The following RBFOX3 variants were observed in gnomAD, a reference collection of about 807,000 sequenced individuals.
The protein encoded by RBFOX3 is RNA binding fox-1 homolog 3, also known as RNA binding protein fox-1 homolog 3.
In RBFOX3, 17 loss-of-function variants were observed where a neutral mutation model predicts 48.7. That is an observed-to-expected ratio of 0.35 (90% CI 0.24 to 0.52). The LOEUF is 0.52. Among genes scored for constraint, RBFOX3 ranks in the 20% least tolerant of loss-of-function variants. The pLI is 0.94. For missense variants in RBFOX3, 382 were observed against 497.5 expected, an observed-to-expected ratio of 0.77 and a Z score of 2.21; for synonymous variants, 212 against 209.5, an observed-to-expected ratio of 1.01 and a Z score of -0.10.
At chr17:79,094,915 G>A (rs1056175624) in intron 13 of RBFOX3, among the ~76,000 whole-genome samples, 1 of 152,076 alleles carries the variant, frequency 6.6e-6, no homozygotes, top group Middle Eastern at 3.2e-3. Context: ...AAGAGAGAGG[G>A]TCAACGAGGA....
rs1187815451 is a variant in RBFOX3 at position 79,254,417 on chromosome 17, C to T, written c.-73-18612G>A. ...CAAACCTGCCCCCCAATCCAGGACA[C>T]ATGGCACCAGGGCCCAGCCTTGAGA... On this transcript the variant is annotated intron_variant, in intron 3 of 14. Coordinates refer to ENST00000693108, the MANE Select transcript of RBFOX3 (RefSeq NM_001350451.2). This position sits in a 1 kb window ranked among gnomAD's most constrained non-coding sequence, Gnocchi z 4.8. 2.0e-5 allele frequency among the ~76,000 whole-genome samples: 3 copies of T among 152,004 alleles called. No individual in the cohort carries two copies. Among genetic ancestry groups the T allele is most frequent in the African/African-American group, 7.2e-5 (3 of 41,396 alleles).
chr17:79,437,417 G>T (rs914507801), intron 2 of RBFOX3, among the ~76,000 whole-genome samples: 7 of 152,232 alleles, frequency 4.6e-5, no homozygotes, highest in African/African-American at 1.7e-4. Context: ...GTGCGGGAAA[G>T]CCCATAGCAC....
chr17:79,514,941 G>T (rs1439730866), intron 1 of RBFOX3, among the ~76,000 whole-genome samples: 3 of 152,122 alleles, frequency 2.0e-5, no homozygotes, highest in African/African-American at 7.2e-5. Flanking sequence ...AGGAGGCTGG[G>T]GCTCGGCGCT....
intron 5 of RBFOX3, among the ~76,000 whole-genome samples, chr17:79,110,330 T>A (rs1285011955): frequency 1.3e-5 from 2 of 151,884 alleles, no homozygotes; most frequent in African/African-American, 4.8e-5. Flanking sequence ...ACACAGCACC[T>A]CCCACTCTCC....
chr17:79,478,369 C>T (rs1315751292), intron 2 of RBFOX3, among the ~76,000 whole-genome samples: 1 of 152,192 alleles, frequency 6.6e-6, no homozygotes, highest in Non-Finnish European at 1.5e-5. Context: ...CAGGCTCACA[C>T]TCAGCCCCAT....
intron 4 of RBFOX3, among the ~76,000 whole-genome samples, chr17:79,128,945 T>C (rs1264257868): frequency 6.6e-6 from 1 of 152,098 alleles, no homozygotes; most frequent in African/African-American, 2.4e-5. Context: ...ATGATCACAG[T>C]GAAGAAACCT....
rs71161654 is a variant in RBFOX3 at position 79,234,721 on chromosome 17, C to CTTTTTT, written c.-34+1039_-34+1044dup. ...TTGGGTTTATTGGGGGCATTAAGTG[C>CTTTTTT]TTTTTTTTTTTTTTTTTTTTTTTTT... On this transcript the variant is annotated intron_variant, in intron 4 of 14. Transcript: ENST00000693108. The CTTTTTT allele has an allele frequency of 2.0e-3, 125 of 61,826 alleles. 32 individuals carry two copies. The highest frequency in any genetic ancestry group is 8.9e-3 in the African/African-American group (112 of 12,588). The allele number at this position is 61,826 out of a possible 1,614,324, so 3.8% of individuals were successfully genotyped here.
intron 1 of RBFOX3, among the ~76,000 whole-genome samples, chr17:79,603,374 CA>C (rs2093753560): frequency 1.3e-5 from 2 of 152,160 alleles, no homozygotes; most frequent in Admixed American, 1.3e-4. Context: ...ACAGCACAGG[CA>C]GGAGCCCTGT....
chr17:79,555,667 G>GTGA (rs1317646347), intron 1 of RBFOX3, among the ~76,000 whole-genome samples: 1 of 151,138 alleles, frequency 6.6e-6, no homozygotes, highest in African/African-American at 2.5e-5. Context: ...GGTGGTGATG[G>GTGA]TGATGATAGT....
chr17:79,232,294 T>A (rs1600137855), intron 4 of RBFOX3, among the ~76,000 whole-genome samples: 1 of 152,014 alleles, frequency 6.6e-6, no homozygotes, highest in Non-Finnish European at 1.5e-5. Flanking sequence ...AAAATTCATA[T>A]AGAAATGTAA....
At chr17:79,169,787 C>T (rs2048767975) in intron 4 of RBFOX3, among the ~76,000 whole-genome samples, 2 of 152,162 alleles carry the variant, frequency 1.3e-5, no homozygotes, top group South Asian at 4.1e-4. Context: ...TATTCAGGAA[C>T]TAGAAGTGGC....
At chr17:79,273,103 G>T (rs951312872) in intron 3 of RBFOX3, among the ~76,000 whole-genome samples, 2 of 152,176 alleles carry the variant, frequency 1.3e-5, no homozygotes, top group East Asian at 3.9e-4. Context: ...GGTGACCTGT[G>T]ACTACCAGGA....
At chr17:79,610,725 G>C (rs1599290626) in intron 1 of RBFOX3, among the ~76,000 whole-genome samples, 101 bp downstream of exon 1, 1 of 152,052 alleles carries the variant, frequency 6.6e-6, no homozygotes, top group African/African-American at 2.4e-5. Context: ...CCCACTGCGG[G>C]GTCCCATGCG....
chr17:79,398,554 G>A (rs879718990), intron 2 of RBFOX3, among the ~76,000 whole-genome samples: 3 of 152,086 alleles, frequency 2.0e-5, no homozygotes, highest in Non-Finnish European at 4.4e-5. Context: ...GTTGGTCATC[G>A]TAACTGAGGG....
intron 3 of RBFOX3, among the ~76,000 whole-genome samples, chr17:79,290,197 A>C (rs568888286): frequency 6.6e-6 from 1 of 152,020 alleles, no homozygotes; most frequent in African/African-American, 2.4e-5. Context: ...CTCAAGCTGG[A>C]GGAGGCATCA....
rs143932879 is a variant in RBFOX3, at chr17:79,154,670, C to T, written c.-33-38922G>A. Among the ~76,000 whole-genome samples, 300 of 152,294 alleles carry T rather than the reference C, an allele frequency of 2.0e-3. 2 individuals carry two copies. The highest frequency in any genetic ancestry group is 6.6e-3 in the African/African-American group (276 of 41,564). ...TCGCCCTGCCCGGTCCCCACGTGGC[C>T]GGGAGACTGGCGTGGGTTCAGATCA... On this transcript the variant is annotated intron_variant, in intron 4 of 14. Transcript: ENST00000693108.
At chr17:79,461,933 T>C (rs1555749122) in intron 2 of RBFOX3, among the ~76,000 whole-genome samples, 4 of 152,160 alleles carry the variant, frequency 2.6e-5, no homozygotes, top group Non-Finnish European at 5.9e-5. Flanking sequence ...CCTCAAAGCC[T>C]CCAGAAGGAA....
At chr17:79,274,190 A>G (rs1027653303) in intron 3 of RBFOX3, among the ~76,000 whole-genome samples, 5 of 152,020 alleles carry the variant, frequency 3.3e-5, no homozygotes, top group African/African-American at 7.2e-5. Context: ...CCCTCCTACA[A>G]TTGTTCTCAA....
At chr17:79,449,258 A>G (rs1004933021) in intron 2 of RBFOX3, among the ~76,000 whole-genome samples, 2 of 152,132 alleles carry the variant, frequency 1.3e-5, no homozygotes, top group Admixed American at 6.5e-5. Flanking sequence ...TACATGAAAC[A>G]TAAGCAGAGG....
Sources: gnomAD v4.1 joint callset for allele counts (sites outside exome capture counted in the v4.1 genomes callset) on GRCh38, gnomAD v4.1.1 for gene constraint, Gnocchi (gnomAD v3.1) non-coding constraint, MANE v1.5 for transcripts, NCBI Gene and HGNC (gene_info 2026-07-23, HGNC 2026-07-21) for gene names.